Variants in ACTR8 observed in about 807,000 individuals in gnomAD.
The protein encoded by ACTR8 is actin related protein 8, also known as actin-related protein 8.
ACTR8 carries 70 observed loss-of-function variants against 84.3 expected under a neutral mutation model. The observed-to-expected ratio is 0.83, with a 90% CI of 0.68 to 1.01. The LOEUF (loss-of-function observed/expected upper bound fraction) is 1.01, where lower values mean the gene tolerates loss of function less well. ACTR8 is among the 50% of genes least tolerant of loss of function. ACTR8 has a pLI of 0.00. For missense variants in ACTR8, 672 were observed against 775.4 expected (o/e 0.87, Z 1.58); for synonymous variants, 268 against 275.2 (o/e 0.97, Z 0.26).
rs1340321897 is a variant in ACTR8 at position 53,876,058 on chromosome 3, A to T, written c.801T>A (p.Ser267=). 1.2e-6 allele frequency: 2 copies of T among 1,610,576 alleles called. No individual in the cohort carries two copies. The highest frequency in any genetic ancestry group is 1.7e-6 in the Non-Finnish European group (2 of 1,179,676). ...GFSGIVVHQE[S]VCATYGSGLS... ...AGCCACTTCCATAGGTGGCACACAC[A>T]GACTCCTGATGGACCACAATCCCTG... Residue 267 remains serine, a synonymous_variant, in exon 7 of 13, where the codon TCT becomes TCA. Coordinates refer to ENST00000335754, the MANE Select transcript of ACTR8 (RefSeq NM_022899.5).
intron 9 of ACTR8, 71 bp from the exon 10 acceptor site, chr3:53,872,595 G>T: frequency 6.8e-7 from 1 of 1,476,684 alleles, no homozygotes; most frequent in Non-Finnish European, 9.0e-7. Context: ...ACTAAATTCT[G>T]TTCTTCTAAA....
chr3:53,878,457 C>T lies in ACTR8; in HGVS notation c.305G>A (p.Ser102Asn), dbSNP rs747597856. The change falls in exon 3 of 13, where the codon AGT (serine) becomes AAT (asparagine). Residue 102 changes from serine (S) to asparagine (N), a missense_variant. Transcript: ENST00000335754. ...AAGGCCATTTTGTCTTTGTTCATTACTTTCTGGTTTCTGGGGAAAAAATGA... is the reference window on the plus strand; with the variant it reads ...AAGGCCATTTTGTCTTTGTTCATTATTTTCTGGTTTCTGGGGAAAAAATGA... Reference protein sequence around the residue: ...LLREGLNKPESNEQRQNGLKM... With the variant: ...LLREGLNKPENNEQRQNGLKM... 2 of 1,609,176 alleles carry T rather than the reference C, an allele frequency of 1.2e-6. No homozygotes were observed. The highest frequency in any genetic ancestry group is 1.7e-4 in the Middle Eastern group (1 of 6,050).
At chr3:53,874,829 GGAA>G (rs1699942256) in intron 7 of ACTR8, among the ~76,000 whole-genome samples, 1 of 152,132 alleles carries the variant, frequency 6.6e-6, no homozygotes, top group South Asian at 2.1e-4. Context: ...ATGAATGGAT[GGAA>G]GAAGGGAGAA....
chr3:53,878,674 A>G (rs1417119012), intron 2 of ACTR8, among the ~76,000 whole-genome samples: 6 of 152,210 alleles, frequency 3.9e-5, no homozygotes, highest in Admixed American at 6.5e-5. Flanking sequence ...AATACAAGAA[A>G]TTAGCTGGGT....
intron 7 of ACTR8, among the ~76,000 whole-genome samples, chr3:53,875,239 G>A (rs982789424): frequency 6.6e-6 from 1 of 152,196 alleles, no homozygotes; most frequent in African/African-American, 2.4e-5. Context: ...CTTGGGGCGG[G>A]AGGCAGCAGA....
chr3:53,860,121 T>A, the ACTR8 span: 15 of 1,610,508 alleles, frequency 9.3e-6, no homozygotes, highest in Admixed American at 2.5e-4. Context: ...TAAGCTTTGT[T>A]TTTTCCAGAC....
At chr3:53,861,346 TA>T in the ACTR8 span, 1 of 151,952 alleles carries the variant, frequency 6.6e-6, no homozygotes, top group Non-Finnish European at 1.5e-5. Flanking sequence ...ATATGTACCA[TA>T]AATTGAGGGT....
intron 1 of ACTR8, among the ~76,000 whole-genome samples, chr3:53,880,718 CT>C (rs1700045116): frequency 6.6e-6 from 1 of 152,228 alleles, no homozygotes; most frequent in Non-Finnish European, 1.5e-5. Context: ...TCCTAATCTA[CT>C]GGCTGGGCCT....
chr3:53,863,857 C>G (rs66583280), downstream of ACTR8, among the ~76,000 whole-genome samples: 4 of 146,412 alleles, frequency 2.7e-5, no homozygotes, highest in South Asian at 8.7e-4. Flanking sequence ...GGGTCTCACT[C>G]TGTTGCCCAG....
rs752599288 is a variant in ACTR8 at position 53,876,009 on chromosome 3, C to A, written c.850G>T (p.Val284Phe). 1.9e-6 allele frequency: 3 copies of A among 1,614,174 alleles called. No homozygotes were observed. The highest frequency in any genetic ancestry group is 2.5e-6 in the Non-Finnish European group (3 of 1,180,036). ...CATACACTTGTCTTCTGGTCCCCAA[C>A]GTCTACAATACACGTGCTGCTTAAG... Reference protein sequence around the residue: ...SGLSSTCIVDVGDQKTSVCCV... With the variant: ...SGLSSTCIVDFGDQKTSVCCV... The change falls in exon 7 of 13, where the codon GTT becomes TTT. Residue 284 changes from valine to phenylalanine, a missense_variant. Physicochemically the swap from Val to Phe is conservative, Grantham distance 50 (BLOSUM62 -1). Coordinates refer to ENST00000335754, the MANE Select transcript of ACTR8 (RefSeq NM_022899.5).
chr3:53,880,211 G>T, intron 1 of ACTR8, 102 bp from the exon 2 acceptor site: 1 of 1,201,754 alleles, frequency 8.3e-7, no homozygotes, highest in Non-Finnish European at 1.2e-6. Flanking sequence ...CTGACTCAAA[G>T]GTATCAAAAT....
At chr3:53,863,734 G>A (rs1286625506), downstream of ACTR8, among the ~76,000 whole-genome samples, 2 of 151,896 alleles carry the variant, frequency 1.3e-5, no homozygotes, top group African/African-American at 4.8e-5. Flanking sequence ...TAATTGACCC[G>A]ACTCAAAATG....
At chr3:53,873,832 T>G (rs1428159314) in intron 8 of ACTR8, among the ~76,000 whole-genome samples, 1 of 152,138 alleles carries the variant, frequency 6.6e-6, no homozygotes, top group African/African-American at 2.4e-5. Context: ...ATTTATTTAT[T>G]TATTTATTTT....
intron 1 of ACTR8, chr3:53,881,680 G>T: frequency 5.7e-5 from 28 of 487,624 alleles, no homozygotes; most frequent in Non-Finnish European, 6.7e-5. Context: ...GTCGTTTTAT[G>T]GTCGGGGAAG....
the ACTR8 span, chr3:53,860,204 G>C: frequency 1.9e-6 from 3 of 1,613,540 alleles, no homozygotes; most frequent in African/African-American, 2.7e-5. Context: ...GCTGGTGGCA[G>C]GGATCTATCT....
chr3:53,865,655 T>TATG (rs1326669804), downstream of ACTR8: 1 of 177,162 alleles, frequency 5.6e-6, no homozygotes, highest in Non-Finnish European at 1.2e-5. Flanking sequence ...GCTAATATTC[T>TATG]ATGTTTAATT....
downstream of ACTR8, chr3:53,864,916 A>AAAAAAG: frequency 6.2e-7 from 1 of 1,614,226 alleles, no homozygotes; most frequent in Non-Finnish European, 8.5e-7. Context: ...GAAAAAGAAA[A>AAAAAAG]TAGCAGAGAT....
chr3:53,863,493 G>A (rs1243996146), downstream of ACTR8, among the ~76,000 whole-genome samples: 1 of 152,208 alleles, frequency 6.6e-6, no homozygotes, highest in Non-Finnish European at 1.5e-5. Flanking sequence ...TTAACTCCAT[G>A]TTCTAAGCTA....
intron 1 of ACTR8, chr3:53,881,741 C>T: frequency 1.6e-6 from 1 of 617,206 alleles, no homozygotes; most frequent in Non-Finnish European, 2.8e-6. Context: ...GTGGGGCGTG[C>T]GGGAGATCGG....
Sources: gnomAD v4.1 joint callset for allele counts (sites outside exome capture counted in the v4.1 genomes callset) on GRCh38, gnomAD v4.1.1 for gene constraint, MANE v1.5 for transcripts, NCBI Gene and HGNC (gene_info 2026-07-23, HGNC 2026-07-21) for gene names.